Variants in SNX24 observed in about 807,000 individuals in gnomAD.
The protein encoded by SNX24 is sorting nexin 24.
SNX24 carries 22 observed loss-of-function variants against 28.7 expected under a neutral mutation model. The ratio of observed to expected loss-of-function variants is 0.77; its 90% CI spans 0.55 to 1.10. The LOEUF (loss-of-function observed/expected upper bound fraction) is 1.10. SNX24 is among the 50% of genes least tolerant of loss of function. The pLI is 0.00. For synonymous variants in SNX24, 69 were observed against 71.5 expected, an observed-to-expected ratio of 0.96 and a Z score of 0.18; for missense variants, 221 against 201.1, an observed-to-expected ratio of 1.10 and a Z score of -0.60.
intron 1 of SNX24, among the ~76,000 whole-genome samples, chr5:122,889,842 A>G (rs1342024733): frequency 6.6e-6 from 1 of 151,364 alleles, no homozygotes; most frequent in Middle Eastern, 3.2e-3. Context: ...CAAATCAGGA[A>G]GTTTAATATT....
intron 3 of SNX24, among the ~76,000 whole-genome samples, chr5:122,981,722 G>A (rs1231874991): frequency 6.6e-6 from 1 of 152,202 alleles, no homozygotes; most frequent in Non-Finnish European, 1.5e-5. Flanking sequence ...CTGTCTCCCA[G>A]GCTGGAGTGC....
chr5:122,935,680 AGCAATCTATTTTCATAAT>A (rs2150115953), intron 1 of SNX24, among the ~76,000 whole-genome samples: 1 of 152,202 alleles, frequency 6.6e-6, no homozygotes, highest in African/African-American at 2.4e-5. Context: ...ATAGAGCCAT[AGCAATCTATTTTCATAAT>A]GAAGATGTGC....
At chr5:122,884,277 A>T (rs1184855542) in intron 1 of SNX24, among the ~76,000 whole-genome samples, 4 of 125,820 alleles carry the variant, frequency 3.2e-5, no homozygotes, top group African/African-American at 9.3e-5. Context: ...TTTTTCAGAC[A>T]GAGTCTCGCT....
At chr5:122,932,820 C>G (rs1288429424) in intron 1 of SNX24, among the ~76,000 whole-genome samples, 7 of 145,018 alleles carry the variant, frequency 4.8e-5, no homozygotes, top group Non-Finnish European at 9.0e-5. Context: ...GATTGCACCA[C>G]TGCGCTCCAG....
intron 1 of SNX24, among the ~76,000 whole-genome samples, chr5:122,931,339 T>G (rs1758944734): frequency 6.6e-6 from 1 of 152,170 alleles, no homozygotes; most frequent in Non-Finnish European, 1.5e-5. Flanking sequence ...TCTTTACAAT[T>G]AAATGTTTTC....
chr5:122,864,128 G>C (rs890369872), intron 1 of SNX24, among the ~76,000 whole-genome samples: 41 of 149,088 alleles, frequency 2.8e-4, no homozygotes, highest in African/African-American at 1.0e-3. Context: ...TTAGTGTGGA[G>C]AATAAACTAT....
intron 3 of SNX24, among the ~76,000 whole-genome samples, chr5:122,964,702 C>T (rs1243934396): frequency 1.3e-5 from 2 of 152,078 alleles, no homozygotes; most frequent in African/African-American, 2.4e-5. Context: ...TCCTATCATA[C>T]GGCTTCAACA....
At chr5:122,969,668 C>T (rs780111809) in intron 3 of SNX24, among the ~76,000 whole-genome samples, 17 of 152,066 alleles carry the variant, frequency 1.1e-4, no homozygotes, top group Non-Finnish European at 2.1e-4. Flanking sequence ...CAGTATTATT[C>T]CGGAAAGACA....
At chr5:123,010,523 G>A (rs1170191426), downstream of SNX24, among the ~76,000 whole-genome samples, 4 of 152,002 alleles carry the variant, frequency 2.6e-5, no homozygotes, top group East Asian at 1.9e-4. Context: ...TCCTGACCTC[G>A]TGATCCAACC....
At chr5:123,012,017 G>T (rs907669709), downstream of SNX24, among the ~76,000 whole-genome samples, 19 of 152,128 alleles carry the variant, frequency 1.2e-4, no homozygotes, top group African/African-American at 4.3e-4. Flanking sequence ...TCTTATGATA[G>T]TGAGTGAGTG....
chr5:122,975,186 T>TGA (rs1417274047), intron 3 of SNX24, among the ~76,000 whole-genome samples: 1 of 152,244 alleles, frequency 6.6e-6, no homozygotes, highest in African/African-American at 2.4e-5. Flanking sequence ...GGTATTGGTC[T>TGA]TAGTTCTCCA....
intron 1 of SNX24, among the ~76,000 whole-genome samples, chr5:122,923,056 A>C (rs1267051975): frequency 6.6e-6 from 1 of 152,198 alleles, no homozygotes; most frequent in African/African-American, 2.4e-5. Context: ...TAAGCCAGGC[A>C]TCATAGCTCA....
At chr5:122,996,775 C>T (rs1452404673) in intron 3 of SNX24, among the ~76,000 whole-genome samples, 1 of 152,084 alleles carries the variant, frequency 6.6e-6, no homozygotes, top group Non-Finnish European at 1.5e-5. Flanking sequence ...AAGCGATTAA[C>T]CATTGGATAT....
intron 6 of SNX24, among the ~76,000 whole-genome samples, chr5:123,002,910 T>C (rs1248517486): frequency 6.6e-6 from 1 of 152,210 alleles, no homozygotes; most frequent in East Asian, 1.9e-4. Flanking sequence ...AGGGCAGATA[T>C]TATCATTGAC....
At chr5:122,943,841 G>C (rs1265385493) in intron 2 of SNX24, among the ~76,000 whole-genome samples, 1 of 152,130 alleles carries the variant, frequency 6.6e-6, no homozygotes, top group Non-Finnish European at 1.5e-5. Context: ...TTAGGATTCT[G>C]TCCCCCACAG....
chr5:123,007,659 CT>C (rs760607897), intron 6 of SNX24, 22 bp from the exon 7 acceptor site: 13,140 of 1,094,276 alleles, frequency 0.012, 9 homozygotes, highest in African/African-American at 0.021. Context: ...TTTTTTTTTT[CT>C]TTTTTTTTTT....
chr5:122,994,525 A>C (rs1267661502), intron 3 of SNX24, among the ~76,000 whole-genome samples: 1 of 152,256 alleles, frequency 6.6e-6, no homozygotes, highest in Non-Finnish European at 1.5e-5. Context: ...AACATGTGCA[A>C]CTAATCAATG....
At chr5:123,024,119 T>G (rs1762814841) in intron 5 of SNX24, 1 of 1,307,080 alleles carries the variant, frequency 7.7e-7, no homozygotes, top group Non-Finnish European at 1.0e-6. Context: ...GGTTGGTTGG[T>G]TGGTTGGTTT....
chr5:122,988,028 G>A (rs371786267), intron 3 of SNX24, among the ~76,000 whole-genome samples: 2 of 152,270 alleles, frequency 1.3e-5, no homozygotes, highest in South Asian at 2.1e-4. Context: ...GGAAAAAGGA[G>A]CATGCCTGTC....
Sources: gnomAD v4.1 joint callset for allele counts (sites outside exome capture counted in the v4.1 genomes callset) on GRCh38, gnomAD v4.1.1 for gene constraint, MANE v1.5 for transcripts, NCBI Gene and HGNC (gene_info 2026-07-23, HGNC 2026-07-21) for gene names.